Variants in DPY19L1 observed in about 807,000 individuals in gnomAD.
DPY19L1 encodes the protein protein C-mannosyl-transferase DPY19L1.
In DPY19L1, 35 loss-of-function variants were observed where a neutral mutation model predicts 96.9. That is an observed-to-expected ratio of 0.36 (90% CI 0.28 to 0.48). DPY19L1 has a LOEUF of 0.48. Ranked by LOEUF, DPY19L1 falls within the 20% of genes least tolerant of loss-of-function variation. The probability of loss-of-function intolerance (pLI) is 0.99; values close to 1 mark genes in which losing one functional copy is unlikely to be tolerated. For missense variants in DPY19L1, 521 were observed against 777.9 expected, an observed-to-expected ratio of 0.67 and a Z score of 3.93; for synonymous variants, 205 against 252.6, an observed-to-expected ratio of 0.81 and a Z score of 1.79.
intron 13 of DPY19L1, among the ~76,000 whole-genome samples, chr7:34,952,353 T>A (rs1784285823): frequency 6.6e-6 from 1 of 152,126 alleles, no homozygotes; most frequent in African/African-American, 2.4e-5. Flanking sequence ...CAAAGTTCAC[T>A]CCAGATGAAC....
chr7:34,997,726 A>AT (rs976165552), intron 6 of DPY19L1, among the ~76,000 whole-genome samples: 5 of 152,088 alleles, frequency 3.3e-5, no homozygotes, highest in Admixed American at 1.3e-4. Context: ...CAAATGCTTG[A>AT]TTTTTTTAAA....
At chr7:35,011,284 T>C in intron 5 of DPY19L1, 46 bp downstream of exon 5, 1 of 1,596,690 alleles carries the variant, frequency 6.3e-7, no homozygotes, top group Non-Finnish European at 8.5e-7. Context: ...GATAAGTTTA[T>C]TATGTTACAA....
intron 10 of DPY19L1, among the ~76,000 whole-genome samples, chr7:34,959,908 T>TAA (rs1562806861): frequency 1.1e-3 from 44 of 38,332 alleles, no homozygotes; most frequent in Admixed American, 3.5e-3. Context: ...AATATATATA[T>TAA]ATATATATAT....
intron 7 of DPY19L1, among the ~76,000 whole-genome samples, chr7:34,975,907 GAA>G (rs555636748): frequency 2.6e-5 from 4 of 152,084 alleles, no homozygotes; most frequent in Non-Finnish European, 5.9e-5. Context: ...CTACTGCTCA[GAA>G]AAAAAGATTC....
rs1491195638 is a variant in DPY19L1 at position 34,989,645 on chromosome 7, A to AAC, written c.822+238_822+239insGT. The stretch of plus-strand genomic sequence containing the variant: ...CAAAAACAAAAACAACAACAACAAC[A>AAC]AAAAAAAAAAACAGAATTGATACAG... On this transcript the variant is annotated intron_variant, in intron 7 of 21. Coordinates refer to ENST00000638088, the MANE Select transcript of DPY19L1 (RefSeq NM_001366673.1). Among the ~76,000 whole-genome samples the AAC allele has an allele frequency of 9.6e-4, 51 of 53,000 alleles. 1 individual carries two copies. Among genetic ancestry groups the AAC allele is most frequent in the East Asian group, 1.8e-3 (5 of 2,714 alleles). 34.8% of individuals were successfully genotyped at this position (53,000 alleles called of 152,430 possible).
chr7:34,943,076 TTC>T (rs1784060938), intron 16 of DPY19L1, among the ~76,000 whole-genome samples: 1 of 152,240 alleles, frequency 6.6e-6, no homozygotes, highest in South Asian at 2.1e-4. Context: ...AACACACACC[TTC>T]TCTTTCTTAA....
In DPY19L1 at chr7:34,943,965, A is replaced by G. The variant is rs55884828; in HGVS notation, c.1545-1326T>C. ...ATATGTTACAGTAAATTGTTTCTAA[A>G]TGAGAACAAGGATTCTCTCAGGAGT... On this transcript the variant is annotated intron_variant, in intron 16 of 21. Coordinates refer to ENST00000638088, the MANE Select transcript of DPY19L1 (RefSeq NM_001366673.1). Among the ~76,000 whole-genome samples the G allele has an allele frequency of 5.2e-3, 786 of 152,310 alleles. 5 individuals carry two copies. The highest frequency in any genetic ancestry group is 0.011 in the South Asian group (54 of 4,824).
chr7:34,938,880 G>A (rs572592890), intron 20 of DPY19L1, among the ~76,000 whole-genome samples: 1 of 152,076 alleles, frequency 6.6e-6, no homozygotes, highest in Admixed American at 6.5e-5. Context: ...TCTTTGAATG[G>A]GATTCTATTT....
At chr7:35,011,019 C>T (rs1036957970) in intron 5 of DPY19L1, among the ~76,000 whole-genome samples, 6 of 152,152 alleles carry the variant, frequency 3.9e-5, no homozygotes, top group Admixed American at 1.3e-4. Context: ...ATGTAGGTGT[C>T]CCAGCTGAGA....
Position 34,937,399 on chromosome 7 carries a change from C to G in DPY19L1, c.2090+595G>C, listed in dbSNP as rs546346904. On this transcript the variant is annotated intron_variant, in intron 21 of 21. Transcript: ENST00000638088. ...TGACCCCTGGTGCTCAGCTGCCTGA[C>G]TTCACCAAAAGAGACTCCCCATTAC... Among the ~76,000 whole-genome samples the G allele has an allele frequency of 1.4e-4, 21 of 152,298 alleles. No homozygotes were observed. The South Asian group carries it at 4.3e-3, about 32-fold the overall frequency.
intron 11 of DPY19L1, among the ~76,000 whole-genome samples, chr7:34,955,572 C>T (rs181791006): frequency 8.0e-4 from 121 of 152,180 alleles, no homozygotes; most frequent in African/African-American, 2.8e-3. Context: ...TAGGTGAATG[C>T]GTGACTTTTT....
intron 21 of DPY19L1, among the ~76,000 whole-genome samples, chr7:34,932,170 G>A (rs1236763255): frequency 2.6e-5 from 4 of 152,202 alleles, no homozygotes; most frequent in Admixed American, 1.3e-4. Context: ...GTATGACATT[G>A]ATTTAAAAAA....
chr7:34,969,837 T>C (rs1264496701), intron 8 of DPY19L1, among the ~76,000 whole-genome samples: 2 of 152,144 alleles, frequency 1.3e-5, no homozygotes, highest in African/African-American at 4.8e-5. Context: ...AAATACTGAT[T>C]CAACAGATTC....
At chr7:34,967,061 A>G (rs1784626467) in intron 9 of DPY19L1, 90 bp from the exon 10 acceptor site, 3 of 944,508 alleles carry the variant, frequency 3.2e-6, no homozygotes, top group East Asian at 3.3e-5. Context: ...CAACTGATTT[A>G]TATCTACACA....
chr7:35,014,990 G>A (rs1785808555), intron 3 of DPY19L1, among the ~76,000 whole-genome samples: 1 of 152,100 alleles, frequency 6.6e-6, no homozygotes, highest in South Asian at 2.1e-4. Context: ...GACAAGGAAG[G>A]ACTCTCCCCT....
At chr7:35,031,523 C>T (rs190727785) in intron 1 of DPY19L1, among the ~76,000 whole-genome samples, 28 of 152,158 alleles carry the variant, frequency 1.8e-4, no homozygotes, top group Admixed American at 1.3e-4. Flanking sequence ...ACCTAACACA[C>T]TCATTAAGAG....
intron 1 of DPY19L1, among the ~76,000 whole-genome samples, chr7:35,029,125 T>C (rs1255069434): frequency 2.0e-5 from 3 of 152,232 alleles, no homozygotes; most frequent in Non-Finnish European, 2.9e-5. Flanking sequence ...TAATGCAGCC[T>C]GGTAGGTCTC....
intron 7 of DPY19L1, among the ~76,000 whole-genome samples, chr7:34,989,497 T>C (rs982300964): frequency 6.6e-6 from 1 of 151,984 alleles, no homozygotes; most frequent in Admixed American, 6.6e-5. Flanking sequence ...GCGTCTGTAG[T>C]CCCAGCTACT....
At chr7:34,939,834 A>G (rs1452313978) in intron 19 of DPY19L1, among the ~76,000 whole-genome samples, 5 of 152,240 alleles carry the variant, frequency 3.3e-5, no homozygotes, top group African/African-American at 1.2e-4. Flanking sequence ...AAGGACTAAT[A>G]TTAAAAATTC....
Sources: allele counts gnomAD v4.1 joint callset (sites outside exome capture counted in the v4.1 genomes callset), GRCh38; gene constraint gnomAD v4.1.1; transcripts MANE v1.5; gene names NCBI Gene and HGNC (gene_info 2026-07-23, HGNC 2026-07-21).